Variants in UBE2E3 observed in about 807,000 individuals in gnomAD.
UBE2E3 encodes the protein ubiquitin conjugating enzyme E2 E3.
UBE2E3 carries 5 observed loss-of-function variants against 23.6 expected under a neutral mutation model. The ratio of observed to expected loss-of-function variants is 0.21; its 90% CI spans 0.11 to 0.44. The LOEUF is 0.44. Ranked by LOEUF, UBE2E3 falls within the 20% of genes least tolerant of loss-of-function variation. The pLI, the probability that UBE2E3 is intolerant of heterozygous loss-of-function variation, is 0.99. For synonymous variants in UBE2E3, 78 were observed against 87.5 expected (o/e 0.89, Z 0.60); for missense variants, 81 against 249.8 (o/e 0.32, Z 4.55).
intron 3 of UBE2E3, among the ~76,000 whole-genome samples, chr2:180,996,637 C>T (rs112886143): frequency 6.6e-6 from 1 of 152,164 alleles, no homozygotes; most frequent in Non-Finnish European, 1.5e-5. Context: ...CCTCTTCCCC[C>T]CCATTTCCAG....
chr2:181,034,112 A>G (rs1459850598), intron 3 of UBE2E3, among the ~76,000 whole-genome samples: 1 of 152,242 alleles, frequency 6.6e-6, no homozygotes, highest in African/African-American at 2.4e-5. Flanking sequence ...TGTGGAAGAC[A>G]GTGTGGCAAT....
chr2:181,035,653 C>T (rs1440830311), intron 3 of UBE2E3, among the ~76,000 whole-genome samples: 1 of 152,048 alleles, frequency 6.6e-6, no homozygotes, highest in South Asian at 2.1e-4. Flanking sequence ...AACACAAATT[C>T]GAAAACTTCC....
At chr2:180,982,417 A>G (rs1574150561) in intron 2 of UBE2E3, among the ~76,000 whole-genome samples, 181 bp downstream of exon 2, 1 of 152,344 alleles carries the variant, frequency 6.6e-6, no homozygotes, top group East Asian at 1.9e-4. Context: ...CTAGAATTAT[A>G]CTTTTAAGCA....
At chr2:181,037,635 A>G (rs987175633) in intron 3 of UBE2E3, among the ~76,000 whole-genome samples, 1 of 152,208 alleles carries the variant, frequency 6.6e-6, no homozygotes, top group African/African-American at 2.4e-5. Flanking sequence ...GCTCAGTGTT[A>G]CTACAGAAGA....
intron 3 of UBE2E3, among the ~76,000 whole-genome samples, chr2:180,989,100 C>A (rs1349685505): frequency 6.6e-6 from 1 of 152,060 alleles, no homozygotes; most frequent in Non-Finnish European, 1.5e-5. Context: ...GCATAAACCT[C>A]AAAAATCATG....
chr2:181,007,837 GT>G (rs1685200087), intron 3 of UBE2E3, among the ~76,000 whole-genome samples: 1 of 152,178 alleles, frequency 6.6e-6, no homozygotes, highest in African/African-American at 2.4e-5. Context: ...AATATGGCTA[GT>G]GTGAATAAGA....
At chr2:181,027,963 CTAGATGG>C (rs1685951020) in intron 3 of UBE2E3, among the ~76,000 whole-genome samples, 1 of 151,962 alleles carries the variant, frequency 6.6e-6, no homozygotes, top group South Asian at 2.1e-4. Flanking sequence ...AGCTTAAAAA[CTAGATGG>C]TATCATTGAA....
intron 3 of UBE2E3, among the ~76,000 whole-genome samples, chr2:180,989,708 A>T (rs1056098570): frequency 1.3e-5 from 2 of 152,222 alleles, no homozygotes; most frequent in African/African-American, 2.4e-5. Context: ...AGTTCAATGC[A>T]GATAATGTAA....
At chr2:180,997,842 G>A (rs972654282) in intron 3 of UBE2E3, among the ~76,000 whole-genome samples, 29 of 152,060 alleles carry the variant, frequency 1.9e-4, no homozygotes, top group Non-Finnish European at 7.4e-5. Context: ...ATCTTTTAAA[G>A]CCTATTTCAG....
chr2:181,052,341 C>CTTCATCCT (rs142342386), intron 3 of UBE2E3, among the ~76,000 whole-genome samples: 2,728 of 151,790 alleles, frequency 0.018, 66 homozygotes, highest in African/African-American at 0.062. Context: ...AAAGCCCCTT[C>CTTCATCCT]CTCATCCTCT....
intron 3 of UBE2E3, among the ~76,000 whole-genome samples, chr2:181,027,623 G>GT (rs1426256353): frequency 6.6e-6 from 1 of 151,904 alleles, no homozygotes; most frequent in Admixed American, 6.6e-5. Context: ...TAATAAAACA[G>GT]TATGTAATTG....
chr2:181,005,068 G>A (rs566470631), intron 3 of UBE2E3, among the ~76,000 whole-genome samples: 4 of 152,224 alleles, frequency 2.6e-5, no homozygotes, highest in East Asian at 3.9e-4. Flanking sequence ...TGGTTGCAGC[G>A]GCATACAACT....
intron 3 of UBE2E3, among the ~76,000 whole-genome samples, chr2:181,018,886 T>C (rs759231420): frequency 6.6e-6 from 1 of 152,170 alleles, no homozygotes; most frequent in Non-Finnish European, 1.5e-5. Flanking sequence ...TCAGGATAGA[T>C]CTAGGTTCCA....
intron 3 of UBE2E3, among the ~76,000 whole-genome samples, chr2:180,998,883 A>T (rs1684911565): frequency 6.6e-6 from 1 of 152,342 alleles, no homozygotes; most frequent in East Asian, 1.9e-4. Context: ...AACCATAATT[A>T]ACTAGGTTGT....
At chr2:180,991,578 A>G (rs1177423429) in intron 3 of UBE2E3, among the ~76,000 whole-genome samples, 1 of 152,248 alleles carries the variant, frequency 6.6e-6, no homozygotes, top group Non-Finnish European at 1.5e-5. Context: ...CCTGGTGGCC[A>G]GGATGTCTTT....
chr2:181,004,216 T>C (rs1685072314), intron 3 of UBE2E3, among the ~76,000 whole-genome samples: 1 of 152,270 alleles, frequency 6.6e-6, no homozygotes, highest in South Asian at 2.1e-4. Flanking sequence ...TCAGAAATTA[T>C]AATTTTTAGA....
chr2:180,998,288 G>C (rs1684891470), intron 3 of UBE2E3, among the ~76,000 whole-genome samples: 1 of 152,100 alleles, frequency 6.6e-6, no homozygotes, highest in Non-Finnish European at 1.5e-5. Context: ...TGAATCAGGA[G>C]ATTGTATAAT....
intron 3 of UBE2E3, among the ~76,000 whole-genome samples, chr2:181,019,612 A>G (rs749511637): frequency 4.6e-5 from 7 of 152,178 alleles, no homozygotes; most frequent in African/African-American, 1.2e-4. Flanking sequence ...GGGGAACACA[A>G]TGTACCAGTG....
intron 3 of UBE2E3, among the ~76,000 whole-genome samples, chr2:180,996,148 A>G (rs991880307): frequency 6.6e-6 from 1 of 152,278 alleles, no homozygotes; most frequent in South Asian, 2.1e-4. Context: ...GCTCTAGGAA[A>G]CCTTAGAGGG....
Sources: allele counts gnomAD v4.1 joint callset (sites outside exome capture counted in the v4.1 genomes callset), GRCh38; gene constraint gnomAD v4.1.1; transcripts MANE v1.5; gene names NCBI Gene and HGNC (gene_info 2026-07-23, HGNC 2026-07-21).